The following KIAA0753 variants were observed in gnomAD, a reference collection of about 807,000 sequenced individuals.
The protein encoded by KIAA0753 is protein moonraker.
A neutral mutation model predicts 116.9 loss-of-function variants in KIAA0753; 114 were observed. That is an observed-to-expected ratio of 0.98 (90% CI 0.84 to 1.14). The LOEUF (loss-of-function observed/expected upper bound fraction) is 1.14, where lower values mean the gene tolerates loss of function less well. Ranked by LOEUF, KIAA0753 falls within the 50% of genes most tolerant of loss-of-function variation. KIAA0753 has a pLI of 0.00. For synonymous variants in KIAA0753, 405 were observed against 413.1 expected (o/e 0.98, Z 0.24); for missense variants, 1,156 against 1,172.4 (o/e 0.99, Z 0.20).
chr17:6,612,963 A>C (rs928627690), intron 7 of KIAA0753, among the ~76,000 whole-genome samples: 4 of 152,202 alleles, frequency 2.6e-5, no homozygotes, highest in African/African-American at 9.6e-5. Flanking sequence ...TAGAGAATAA[A>C]GTCTGAACTC....
At position 6,615,075 on chromosome 17, in the gene KIAA0753, A is replaced by G. The variant is rs1597549320; in HGVS notation, c.1316-2927T>C. 2.0e-5 allele frequency among the ~76,000 whole-genome samples: 3 copies of G among 152,186 alleles called. No homozygotes were observed. In the East Asian group the frequency reaches 5.8e-4, roughly 29 times the overall value. ...CGGCCTCCCAAAGTGCTGGGATTAC[A>G]GGTGTGTGCCACCACGCCTGGCTAA... On this transcript the variant is annotated intron_variant, in intron 7 of 18. Coordinates refer to ENST00000361413, the MANE Select transcript of KIAA0753 (RefSeq NM_014804.3).
In KIAA0753 at chr17:6,611,991, T is replaced by C. The variant is rs774028324; in HGVS notation, c.1473A>G (p.Ala491=). 6.2e-7 allele frequency: 1 copy of C among 1,614,206 alleles called. No homozygotes were observed. Among genetic ancestry groups the C allele is most frequent in the South Asian group, 1.1e-5 (1 of 91,084 alleles). ...TCTCAGTCACAGGCTTCTTTTTCCC[T>C]GCTTTTGTTTTTGCCACGGCTAACA... The part of the protein sequence containing the change: ...DEVLAVAKTK[A]GKKKPVTENV... Residue 491 remains alanine, a synonymous_variant, in exon 8 of 19, where the codon GCA becomes GCG. Transcript: ENST00000361413.
Position 6,612,285 on chromosome 17 carries a change from T to A in KIAA0753, c.1316-137A>T, listed in dbSNP as rs992866136. On this transcript the variant is annotated intron_variant, in intron 7 of 18. Transcript: ENST00000361413. ...AGAAGCAGATGTTTTGTTGTCAACA[T>A]TGTTCCTCCTCCTATGAATATTACT... 8 of 655,670 alleles carry A rather than the reference T, an allele frequency of 1.2e-5. No individual in the cohort carries two copies. In the East Asian group the frequency reaches 2.2e-4, roughly 18 times the overall value. The allele number at this position is 655,670 out of a possible 1,614,324, so 40.6% of individuals were successfully genotyped here.
rs1209147378 is a variant in KIAA0753 at position 6,579,879 on chromosome 17, A to C, written c.2787-15T>G. 2.5e-6 allele frequency: 4 copies of C among 1,596,052 alleles called. No homozygotes were observed. Among genetic ancestry groups the C allele is most frequent in the Middle Eastern group, 1.7e-4 (1 of 6,048 alleles). On this transcript the variant is annotated splice_polypyrimidine_tract_variant and intron_variant, in intron 18 of 18. Coordinates refer to ENST00000361413, the MANE Select transcript of KIAA0753 (RefSeq NM_014804.3). Reference sequence around the variant, plus strand: ...CTTCTGAAAAGCTGGAAGACAAACAACACAACTAAAGGTATGTACAAGGCC... The same window carrying C: ...CTTCTGAAAAGCTGGAAGACAAACACCACAACTAAAGGTATGTACAAGGCC...
At position 6,599,289 on chromosome 17, in the gene KIAA0753, T is replaced by C. The variant is rs1477005585; in HGVS notation, c.2120A>G (p.His707Arg). Residue 707 changes from histidine (H) to arginine (R), a missense_variant, in exon 14 of 19, where the codon CAT becomes CGT. His to Arg is a conservative substitution (Grantham distance 29). Transcript: ENST00000361413. ...GTTTACTGACGAGCCATCTTTCAAA[T>C]GAATATTTGCTTCTGTAGTAGAATT... ...RVNSTTEANI[H>R]LKDGSSVNTA... The C allele has an allele frequency of 9.9e-6, 16 of 1,613,764 alleles. No homozygotes were observed. Among genetic ancestry groups the C allele is most frequent in the Non-Finnish European group, 1.4e-5 (16 of 1,179,680 alleles).
At chr17:6,602,418 G>A (rs1171725236) in intron 12 of KIAA0753, among the ~76,000 whole-genome samples, 1 of 152,182 alleles carries the variant, frequency 6.6e-6, no homozygotes, top group Non-Finnish European at 1.5e-5. Flanking sequence ...TTCCCACAGT[G>A]GAATACTACT....
At chr17:6,589,378 C>A (rs1339914791) in intron 18 of KIAA0753, among the ~76,000 whole-genome samples, 1 of 152,198 alleles carries the variant, frequency 6.6e-6, no homozygotes, top group Non-Finnish European at 1.5e-5. Flanking sequence ...GACTCCCCAG[C>A]CTCCAGAACT....
intron 1 of KIAA0753, 58 bp from the exon 2 acceptor site, chr17:6,635,229 TA>T (rs1972249509): frequency 2.9e-6 from 2 of 678,748 alleles, no homozygotes. Context: ...AAAGAACAGA[TA>T]AAACACAGTG....
intron 7 of KIAA0753, among the ~76,000 whole-genome samples, chr17:6,614,416 T>C (rs1031687828): frequency 1.3e-5 from 2 of 151,176 alleles, no homozygotes; most frequent in African/African-American, 4.9e-5. Flanking sequence ...GGTATATTCA[T>C]ATAAGGGAAA....
chr17:6,619,814 T>C (rs903565326), intron 7 of KIAA0753, among the ~76,000 whole-genome samples: 2 of 152,220 alleles, frequency 1.3e-5, no homozygotes, highest in African/African-American at 2.4e-5. Flanking sequence ...GGTGATCTCA[T>C]CTATCTAGAG....
chr17:6,611,690 C>A (rs1483792648), intron 8 of KIAA0753, among the ~76,000 whole-genome samples: 2 of 152,120 alleles, frequency 1.3e-5, no homozygotes, highest in Non-Finnish European at 2.9e-5. Context: ...ATATTGGTAT[C>A]ATATTAGTTA....
In KIAA0753 at chr17:6,635,046, C is replaced by T; in HGVS notation, c.58G>A (p.Asp20Asn). ...AGTACTTTGGGGTCGCTCCTCCCAT[C>T]AAGTTGGGTCCTAGGTGCTAGATGA... is the stretch of plus-strand genomic sequence containing the variant. ...CVHLAPRTQLDGRSDPKVLQT... is the reference protein window; with the variant it reads ...CVHLAPRTQLNGRSDPKVLQT... The change falls in exon 2 of 19, where the codon GAT becomes AAT. Residue 20 changes from aspartate to asparagine, a missense_variant. Coordinates refer to ENST00000361413, the MANE Select transcript of KIAA0753 (RefSeq NM_014804.3). 6.2e-7 allele frequency: 1 copy of T among 1,613,822 alleles called. No individual in the cohort carries two copies. The highest frequency in any genetic ancestry group is 8.5e-7 in the Non-Finnish European group (1 of 1,179,738).
chr17:6,591,252 A>G (rs1969045213), intron 16 of KIAA0753, among the ~76,000 whole-genome samples: 1 of 152,220 alleles, frequency 6.6e-6, no homozygotes, highest in African/African-American at 2.4e-5. Context: ...CAGATTATTT[A>G]TAATTTTAAA....
chr17:6,584,535 G>A (rs2150728670), intron 18 of KIAA0753, among the ~76,000 whole-genome samples: 1 of 152,204 alleles, frequency 6.6e-6, no homozygotes, highest in East Asian at 1.9e-4. Context: ...CAACACATTA[G>A]GTACTGTATC....
chr17:6,594,845 T>A, intron 16 of KIAA0753, 127 bp downstream of exon 16: 1 of 693,748 alleles, frequency 1.4e-6, no homozygotes, highest in East Asian at 2.7e-5. Context: ...GCAAAGAGAG[T>A]GAAATGTTAA....
chr17:6,624,800 C>CTCCT lies in KIAA0753; in HGVS notation c.776_779dup (p.Gln261GlyfsTer26). On this transcript the variant is annotated frameshift_variant, in exon 4 of 19. Transcript: ENST00000361413. LOFTEE classifies it high-confidence loss of function. Reference sequence around the variant, plus strand: ...GCATTCGGGCAGAGCGAGCAGCTTGCTCCTGTCTCCTGATACGGATTCGAC... The same window carrying CTCCT: ...GCATTCGGGCAGAGCGAGCAGCTTGCTCCTTCCTGTCTCCTGATACGGATTCGAC... 1.3e-6 allele frequency: 2 copies of CTCCT among 1,563,958 alleles called. No homozygotes were observed. Among genetic ancestry groups the CTCCT allele is most frequent in the Non-Finnish European group, 1.7e-6 (2 of 1,152,172 alleles).
In KIAA0753 at chr17:6,608,331, A is replaced by G; in HGVS notation, c.1829+17T>C. 1 of 1,300,666 alleles carries G rather than the reference A, an allele frequency of 7.7e-7. No homozygotes were observed. Among genetic ancestry groups the G allele is most frequent in the South Asian group, 1.9e-5 (1 of 52,600 alleles). The allele number at this position is 1,300,666 out of a possible 1,614,324, so 80.6% of individuals were successfully genotyped here. On this transcript the variant is annotated intron_variant, in intron 10 of 18. Transcript: ENST00000361413. ...AGCTCTTTAATTCTCAAAGATCTGA[A>G]AAATACCAGCACAAACCTGGCTGCT...
At chr17:6,596,614 T>C (rs1298520890) in intron 14 of KIAA0753, among the ~76,000 whole-genome samples, 1 of 152,242 alleles carries the variant, frequency 6.6e-6, no homozygotes, top group Non-Finnish European at 1.5e-5. Flanking sequence ...ATTATCATTA[T>C]CATCTGTTTT....
At chr17:6,616,712 G>T (rs1379403216) in intron 7 of KIAA0753, among the ~76,000 whole-genome samples, 3 of 152,212 alleles carry the variant, frequency 2.0e-5, no homozygotes, top group Non-Finnish European at 4.4e-5. Context: ...TGTAATCCCA[G>T]CTATTTGGGA....
Sources: allele counts gnomAD v4.1 joint callset (sites outside exome capture counted in the v4.1 genomes callset), GRCh38; gene constraint gnomAD v4.1.1; transcripts MANE v1.5; gene names NCBI Gene and HGNC (gene_info 2026-07-23, HGNC 2026-07-21).